The following CCDC81 variants were observed in gnomAD, a reference collection of about 807,000 sequenced individuals.
CCDC81 encodes the protein coiled-coil domain-containing protein 81.
In CCDC81, 79 loss-of-function variants were observed where a neutral mutation model predicts 83.7. That is an observed-to-expected ratio of 0.94 (90% CI 0.79 to 1.14). The LOEUF is 1.14. Ranked by LOEUF, CCDC81 falls within the 50% of genes most tolerant of loss-of-function variation. CCDC81 has a pLI of 0.00. For synonymous variants in CCDC81, 252 were observed against 278.1 expected (o/e 0.91, Z 0.93); for missense variants, 791 against 778.1 (o/e 1.02, Z -0.20).
chr11:86,413,919 T>C (rs532777067), intron 11 of CCDC81, among the ~76,000 whole-genome samples: 4 of 152,290 alleles, frequency 2.6e-5, no homozygotes, highest in Non-Finnish European at 4.4e-5. Context: ...GGAGAGCAAC[T>C]ATGGAGGCCA....
chr11:86,380,035 G>A (rs1361105629), intron 1 of CCDC81, among the ~76,000 whole-genome samples: 2 of 123,980 alleles, frequency 1.6e-5, no homozygotes, highest in East Asian at 5.6e-4. Context: ...TTCTTCGATG[G>A]TCTTCCCTTT....
chr11:86,418,650 T>C (rs1948751096), intron 13 of CCDC81, among the ~76,000 whole-genome samples: 1 of 152,262 alleles, frequency 6.6e-6, no homozygotes, highest in Admixed American at 6.5e-5. Flanking sequence ...ACTCCACTTA[T>C]ATGAGTTATC....
rs754110292 is a variant in CCDC81 at position 86,397,661 on chromosome 11, A to T, written c.676A>T (p.Thr226Ser). The change falls in exon 6 of 15, where the codon ACC becomes TCC. Residue 226 changes from threonine to serine, a missense_variant. Transcript: ENST00000445632. ...GATGGAAAACAAACTGCCTATGGAG[A>T]CCCTTGTAGAAGAATGTGGAGAGAA... ...KEMENKLPME[T>S]LVEECGENRE... 1.9e-6 allele frequency: 3 copies of T among 1,613,656 alleles called. No homozygotes were observed. In the Admixed American group the frequency reaches 5.0e-5, roughly 27 times the overall value.
chr11:86,406,791 C>T lies in CCDC81; in HGVS notation c.882-823C>T, dbSNP rs532560367. Among the ~76,000 whole-genome samples, 12 of 151,976 alleles carry T rather than the reference C, an allele frequency of 7.9e-5. 1 individual carries two copies. The South Asian group carries it at 8.3e-4, about 11-fold the overall frequency. ...TTGCACTCCAGCCTGGGTGACAGAG[C>T]GAGACTCTGTCTCAAAAAATAAAAT... On this transcript the variant is annotated intron_variant, in intron 7 of 14. Coordinates refer to ENST00000445632, the MANE Select transcript of CCDC81 (RefSeq NM_001156474.2).
chr11:86,397,658 G>C lies in CCDC81; in HGVS notation c.673G>C (p.Glu225Gln). 2 of 1,613,674 alleles carry C rather than the reference G, an allele frequency of 1.2e-6. No individual in the cohort carries two copies. Among genetic ancestry groups the C allele is most frequent in the East Asian group, 4.5e-5 (2 of 44,866 alleles). The change falls in exon 6 of 15, where the codon GAG becomes CAG. Residue 225 changes from glutamate (E) to glutamine (Q), a missense_variant. Physicochemically the swap from Glu to Gln is conservative, Grantham distance 29. Coordinates refer to ENST00000445632, the MANE Select transcript of CCDC81 (RefSeq NM_001156474.2). ...GGAGATGGAAAACAAACTGCCTATG[G>C]AGACCCTTGTAGAAGAATGTGGAGA... Reference protein sequence around the residue: ...LKEMENKLPMETLVEECGENR... With the variant: ...LKEMENKLPMQTLVEECGENR...
In CCDC81 at chr11:86,387,660, G is replaced by A. The variant is rs764880011; in HGVS notation, c.286G>A (p.Val96Ile). The change falls in exon 3 of 15, where the codon GTA (valine) becomes ATA (isoleucine). Residue 96 changes from valine (V) to isoleucine (I), a missense_variant. Coordinates refer to ENST00000445632, the MANE Select transcript of CCDC81 (RefSeq NM_001156474.2). ...GATTCATGGACTCAAACAAAACAAAGTATATACTCCTGGTAAATAATTCTG... is the reference window on the plus strand; with the variant it reads ...GATTCATGGACTCAAACAAAACAAAATATATACTCCTGGTAAATAATTCTG... ...VQIHGLKQNKVYTPGEIPIVP... is the reference protein window; with the variant it reads ...VQIHGLKQNKIYTPGEIPIVP... The A allele has an allele frequency of 6.9e-6, 11 of 1,598,496 alleles. No homozygotes were observed. In the South Asian group the frequency reaches 1.1e-4, roughly 16 times the overall value.
Position 86,420,032 on chromosome 11 carries a change from T to C in CCDC81, c.1796T>C (p.Leu599Pro). The change falls in exon 14 of 15, where the codon CTG (leucine) becomes CCG (proline). Residue 599 changes from leucine (L) to proline (P), a missense_variant. Coordinates refer to ENST00000445632, the MANE Select transcript of CCDC81 (RefSeq NM_001156474.2). ...RSAAMKKQRD[L>P]EDKAFERASD... ...GCTGCGATGAAGAAGCAGCGAGACC[T>C]GGAGGACAAGGCTTTTGAACGGTAA... The C allele has an allele frequency of 6.2e-7, 1 of 1,613,636 alleles. No individual in the cohort carries two copies.
chr11:86,419,945 C>T lies in CCDC81; in HGVS notation c.1709C>T (p.Thr570Ile). The change falls in exon 14 of 15, where the codon ACC becomes ATC. Residue 570 changes from threonine to isoleucine, a missense_variant. By Grantham distance (89) the Thr-to-Ile change is moderately conservative. Coordinates refer to ENST00000445632, the MANE Select transcript of CCDC81 (RefSeq NM_001156474.2). ...RTQREHLADR[T>I]AELERVNRVN... ...CTCTCCAGGCACTTGGCAGACAGAA[C>T]CGCTGAGCTGGAGCGAGTAAATAGA... is the stretch of plus-strand genomic sequence containing the variant. 6.2e-7 allele frequency: 1 copy of T among 1,612,676 alleles called. No homozygotes were observed.
rs1287609004 is a variant in CCDC81, at chr11:86,397,729, A to T, written c.744A>T (p.Glu248Asp). ...AGTTAAAAGACCAGTCAGACAAAGA[A>T]GAAGGCACCAGAGGTAGGCCAATGA... ...KCKLKDQSDK[E>D]EGTRDISSPK... The change falls in exon 6 of 15, where the codon GAA becomes GAT. Residue 248 changes from glutamate (E) to aspartate (D), a missense_variant. Glu to Asp is a conservative substitution (Grantham distance 45). Coordinates refer to ENST00000445632, the MANE Select transcript of CCDC81 (RefSeq NM_001156474.2). The T allele has an allele frequency of 6.2e-7, 1 of 1,613,336 alleles. No individual in the cohort carries two copies. Among genetic ancestry groups the T allele is most frequent in the South Asian group, 1.1e-5 (1 of 90,964 alleles).
chr11:86,419,285 T>C (rs1458210424), intron 13 of CCDC81: 2 of 152,184 alleles, frequency 1.3e-5, no homozygotes, highest in Non-Finnish European at 2.9e-5. Context: ...ACAACAGTAG[T>C]GATGGAGTGT....
At chr11:86,407,491 T>C in intron 7 of CCDC81, 123 bp from the exon 8 acceptor site, 5 of 670,132 alleles carry the variant, frequency 7.5e-6, no homozygotes, top group Non-Finnish European at 1.3e-5. Context: ...CCTCTATACA[T>C]ATAGCTGTTT....
intron 1 of CCDC81, among the ~76,000 whole-genome samples, chr11:86,376,461 C>T (rs933978714): frequency 6.6e-6 from 1 of 152,068 alleles, no homozygotes; most frequent in African/African-American, 2.4e-5. Context: ...GGGAAGCAGG[C>T]ATGTCTTACA....
chr11:86,385,100 A>G (rs1485858108), intron 1 of CCDC81, among the ~76,000 whole-genome samples: 1 of 152,214 alleles, frequency 6.6e-6, no homozygotes, highest in Non-Finnish European at 1.5e-5. Context: ...AAAAATTATT[A>G]TTTGAGGCTG....
At position 86,415,279 on chromosome 11, in the gene CCDC81, C is replaced by G. The variant is rs201713611; in HGVS notation, c.1657C>G (p.Arg553Gly). Reference protein sequence around the residue: ...AILHQLVDQRRDLQMLQRTQR... With the variant: ...AILHQLVDQRGDLQMLQRTQR... ...CCTGCATCAACTAGTGGACCAGAGG[C>G]GGGATTTGCAAATGCTTCAGAGGAC... Residue 553 changes from arginine to glycine, a missense_variant, in exon 13 of 15, where the codon CGG (arginine) becomes GGG (glycine). Coordinates refer to ENST00000445632, the MANE Select transcript of CCDC81 (RefSeq NM_001156474.2). 2 of 1,614,136 alleles carry G rather than the reference C, an allele frequency of 1.2e-6. No individual in the cohort carries two copies.
intron 1 of CCDC81, among the ~76,000 whole-genome samples, chr11:86,377,008 A>C (rs376364096): frequency 2.3e-4 from 35 of 152,306 alleles, no homozygotes; most frequent in East Asian, 7.7e-4. Context: ...TAGTTTTGCC[A>C]GTTCCAGAAT....
intron 1 of CCDC81, 21 bp downstream of exon 1, chr11:86,375,263 G>C (rs981575303): frequency 5.6e-6 from 9 of 1,598,546 alleles, no homozygotes; most frequent in Admixed American, 1.7e-5. Context: ...TGGGTAGCAG[G>C]GGGTGGCCCT....
chr11:86,388,210 C>CTCCT (rs35032279), intron 3 of CCDC81, among the ~76,000 whole-genome samples: 16,526 of 144,264 alleles, frequency 0.11, 981 homozygotes, highest in Middle Eastern at 0.15. Flanking sequence ...CCCTCCTTCC[C>CTCCT]TCCTTCCTTC....
rs143641149 is a variant in CCDC81 at position 86,385,681 on chromosome 11, G to C, written c.80-370G>C. 3.4e-3 allele frequency among the ~76,000 whole-genome samples: 514 copies of C among 152,234 alleles called. 3 individuals carry two copies. The highest frequency in any genetic ancestry group is 0.01 in the South Asian group (49 of 4,816). On this transcript the variant is annotated intron_variant, in intron 1 of 14. Transcript: ENST00000445632. Reference sequence around the variant, plus strand: ...AATGAACGTTCTTATTAATCAGATGGCACAGAATAGACACCCGATAAACGG... The same window carrying C: ...AATGAACGTTCTTATTAATCAGATGCCACAGAATAGACACCCGATAAACGG...
chr11:86,380,278 CTT>C (rs991519960), intron 1 of CCDC81, among the ~76,000 whole-genome samples: 39 of 152,042 alleles, frequency 2.6e-4, no homozygotes, highest in African/African-American at 8.9e-4. Flanking sequence ...ATGGTACTCT[CTT>C]TTTGCTTGGT....
Sources: gnomAD v4.1 joint callset for allele counts (sites outside exome capture counted in the v4.1 genomes callset) on GRCh38, gnomAD v4.1.1 for gene constraint, MANE v1.5 for transcripts, NCBI Gene and HGNC (gene_info 2026-07-23, HGNC 2026-07-21) for gene names.